MKS1: variants seen among roughly 807,000 people sequenced by gnomAD.
The protein encoded by MKS1 is tectonic-like complex member MKS1.
Under a neutral mutation model 83.7 loss-of-function variants are expected in MKS1, and 70 were observed. That is an observed-to-expected ratio of 0.84 (90% CI 0.69 to 1.02). The LOEUF (loss-of-function observed/expected upper bound fraction) is 1.02. Ranked by LOEUF, MKS1 falls within the 50% of genes least tolerant of loss-of-function variation. The probability of loss-of-function intolerance (pLI) is 0.00; values close to 1 mark genes in which losing one functional copy is unlikely to be tolerated. For synonymous variants in MKS1, 251 were observed against 273.4 expected, an observed-to-expected ratio of 0.92 and a Z score of 0.81; for missense variants, 681 against 726.9, an observed-to-expected ratio of 0.94 and a Z score of 0.73.
At chr17:58,214,182 A>G in intron 6 of MKS1, 77 bp downstream of exon 6, 1 of 1,601,824 alleles carries the variant, frequency 6.2e-7, no homozygotes, top group South Asian at 1.1e-5. Context: ...ACCTAGGATG[A>G]TAATAACAGG....
At position 58,216,372 on chromosome 17, in the gene MKS1, T is replaced by C. The variant is rs73329632; in HGVS notation, c.262-129A>G. ...TCTGACATGTTTTCATAACCAACAC[T>C]AAACTAATGAATGGCAGGGGAACCA... On this transcript the variant is annotated intron_variant, in intron 3 of 17. Coordinates refer to ENST00000393119, the MANE Select transcript of MKS1 (RefSeq NM_017777.4). 8.1e-4 allele frequency: 873 copies of C among 1,073,348 alleles called. 8 individuals carry two copies. In the African/African-American group the frequency reaches 0.012, roughly 15 times the overall value. 66.5% of individuals were successfully genotyped at this position (1,073,348 alleles called of 1,614,324 possible).
At chr17:58,210,804 C>G (rs908600250) in intron 10 of MKS1, 80 bp from the exon 11 acceptor site, 1 of 1,488,510 alleles carries the variant, frequency 6.7e-7, no homozygotes, top group East Asian at 2.3e-5. Flanking sequence ...GGGGCCTACA[C>G]ACCCTGAGAG....
intron 2 of MKS1, among the ~76,000 whole-genome samples, chr17:58,218,177 GGTGGCTCACGCCT>G (rs1826081481): frequency 1.3e-5 from 2 of 152,036 alleles, no homozygotes; most frequent in Admixed American, 1.3e-4. Flanking sequence ...GGACGGGCGC[GGTGGCTCACGCCT>G]GTAATCCCAG....
At chr17:58,211,496 A>T (rs1409575896) in intron 9 of MKS1, among the ~76,000 whole-genome samples, 2 of 152,258 alleles carry the variant, frequency 1.3e-5, no homozygotes, top group Non-Finnish European at 2.9e-5. Flanking sequence ...CCTTGTTTCC[A>T]GGTCTAGAGA....
At chr17:58,216,855 C>A in intron 2 of MKS1, 119 bp from the exon 3 acceptor site, 2 of 1,030,096 alleles carry the variant, frequency 1.9e-6, no homozygotes, top group Non-Finnish European at 1.5e-6. Flanking sequence ...AGCTGGAATT[C>A]AGCAATTTAG....
chr17:58,213,657 A>G, intron 7 of MKS1, 108 bp downstream of exon 7: 2 of 856,510 alleles, frequency 2.3e-6, no homozygotes, highest in Admixed American at 3.8e-5. Flanking sequence ...GGGAATGTAA[A>G]AGTTAGAACA....
chr17:58,215,983 C>G (rs1597998939), intron 4 of MKS1, 105 bp downstream of exon 4: 3 of 1,386,372 alleles, frequency 2.2e-6, no homozygotes, highest in Non-Finnish European at 3.1e-6. Context: ...AGACAGGCTA[C>G]TTGTCTCCCC....
chr17:58,215,112 G>C (rs1288861276), intron 4 of MKS1, among the ~76,000 whole-genome samples: 1 of 152,196 alleles, frequency 6.6e-6, no homozygotes, highest in Non-Finnish European at 1.5e-5. Flanking sequence ...CCAACAAAAA[G>C]TTGGGTTAGT....
At chr17:58,213,130 TGA>T (rs754944497) in intron 7 of MKS1, 40 bp from the exon 8 acceptor site, 1 of 1,587,892 alleles carries the variant, frequency 6.3e-7, no homozygotes, top group Non-Finnish European at 8.6e-7. Flanking sequence ...ACTCTAATAA[TGA>T]GAGATGGGCC....
intron 7 of MKS1, among the ~76,000 whole-genome samples, chr17:58,213,393 T>C (rs139690489): frequency 6.6e-6 from 1 of 152,312 alleles, no homozygotes; most frequent in East Asian, 1.9e-4. Context: ...TTGGGCCAGA[T>C]AATTTCTAAT....
At chr17:58,216,002 C>T (rs1397699946) in intron 4 of MKS1, 86 bp downstream of exon 4, 3 of 1,500,176 alleles carry the variant, frequency 2.0e-6, no homozygotes, top group East Asian at 2.3e-5. Context: ...CCTTACTAGG[C>T]TCTGACATAA....
In MKS1 at chr17:58,205,461, G is replaced by A. The variant is rs1968445602; in HGVS notation, c.*618C>T. The A allele has an allele frequency of 2.4e-6, 3 of 1,239,736 alleles. No homozygotes were observed. The highest frequency in any genetic ancestry group is 3.2e-5 in the Admixed American group (1 of 31,024). The allele number at this position is 1,239,736 out of a possible 1,614,324, so 76.8% of individuals were successfully genotyped here. The stretch of plus-strand genomic sequence containing the variant: ...ATCAGTCAAAATAAAAGGGGTTTAT[G>A]TAACAAAAAACAAAAAAACAAACAA... On this transcript the variant is annotated 3_prime_UTR_variant, in exon 18 of 18. Coordinates refer to ENST00000393119, the MANE Select transcript of MKS1 (RefSeq NM_017777.4).
chr17:58,207,364 C>A, intron 14 of MKS1, 146 bp from the exon 15 acceptor site: 1 of 1,087,968 alleles, frequency 9.2e-7, no homozygotes. Flanking sequence ...ATCATGGTTA[C>A]CCATAGCACC....
intron 12 of MKS1, 30 bp from the exon 13 acceptor site, chr17:58,208,204 A>C: frequency 6.4e-7 from 1 of 1,557,954 alleles, no homozygotes. Flanking sequence ...AGGGTGGGCA[A>C]GGCCTCCCTT....
chr17:58,214,462 T>A, intron 5 of MKS1, 75 bp from the exon 6 acceptor site: 1 of 1,608,026 alleles, frequency 6.2e-7, no homozygotes, highest in Non-Finnish European at 8.5e-7. Flanking sequence ...CACTTCAGAA[T>A]GGGAAGTTTG....
Position 58,205,625 on chromosome 17 carries a change from G to A in MKS1, c.*454C>T, listed in dbSNP as rs1477603622. ...GTAGAATGAGGCTTCCCTGGAAAGA[G>A]GCTGAGACTCACAGGCTGGGGATTT... On this transcript the variant is annotated 3_prime_UTR_variant, in exon 18 of 18. Coordinates refer to ENST00000393119, the MANE Select transcript of MKS1 (RefSeq NM_017777.4). 2.3e-6 allele frequency: 3 copies of A among 1,306,776 alleles called. No homozygotes were observed. Among genetic ancestry groups the A allele is most frequent in the East Asian group, 5.5e-5 (1 of 18,134 alleles). The allele number at this position is 1,306,776 out of a possible 1,614,324, so 80.9% of individuals were successfully genotyped here. A position where few individuals can be genotyped will look rare whatever the true frequency, so the allele number is the denominator to read the frequency against.
intron 11 of MKS1, among the ~76,000 whole-genome samples, chr17:58,210,411 A>G (rs529279093): frequency 2.0e-5 from 3 of 152,144 alleles, no homozygotes; most frequent in Admixed American, 2.0e-4. Flanking sequence ...GAGATAGGAG[A>G]GAGAAGTGTG....
intron 2 of MKS1, among the ~76,000 whole-genome samples, chr17:58,218,059 A>T (rs927088234): frequency 2.0e-5 from 3 of 152,206 alleles, no homozygotes; most frequent in African/African-American, 7.2e-5. Flanking sequence ...CATGCACATC[A>T]TATGCAGATT....
At chr17:58,214,889 A>T (rs771519600) in intron 4 of MKS1, 51 bp from the exon 5 acceptor site, 2 of 1,562,320 alleles carry the variant, frequency 1.3e-6, no homozygotes, top group Admixed American at 1.8e-5. Flanking sequence ...GGCCACATGG[A>T]GCCAAGTACC....
Sources: allele counts gnomAD v4.1 joint callset (sites outside exome capture counted in the v4.1 genomes callset), GRCh38; gene constraint gnomAD v4.1.1; transcripts MANE v1.5; gene names NCBI Gene and HGNC (gene_info 2026-07-23, HGNC 2026-07-21).